NAALADL2: variants seen among roughly 807,000 people sequenced by gnomAD.
NAALADL2 encodes the protein inactive N-acetylated-alpha-linked acidic dipeptidase-like protein 2.
Under a neutral mutation model 87.2 loss-of-function variants are expected in NAALADL2, and 76 were observed. The observed-to-expected ratio is 0.87, with a 90% CI of 0.72 to 1.05. The LOEUF is 1.05. NAALADL2 is among the 50% of genes least tolerant of loss of function. The probability of loss-of-function intolerance (pLI) is 0.00; values close to 1 mark genes in which losing one functional copy is unlikely to be tolerated. For missense variants in NAALADL2, 1,089 were observed against 945.8 expected, an observed-to-expected ratio of 1.15 and a Z score of -1.99; for synonymous variants, 354 against 331.0, an observed-to-expected ratio of 1.07 and a Z score of -0.75.
chr3:175,400,932 G>A (rs2193850), intron 5 of NAALADL2, among the ~76,000 whole-genome samples: 127,372 of 152,174 alleles, frequency 0.84, 53,545 homozygotes, highest in African/African-American at 0.92. Context: ...CTCATCTGCT[G>A]AAGGTATGTA....
chr3:174,588,399 G>T (rs1302540776), intron 2 of NAALADL2, among the ~76,000 whole-genome samples: 1 of 152,168 alleles, frequency 6.6e-6, no homozygotes, highest in African/African-American at 2.4e-5. Flanking sequence ...TTTCCATCCA[G>T]CTTTGTTCCG....
At chr3:175,116,237 A>G (rs879007124) in intron 2 of NAALADL2, among the ~76,000 whole-genome samples, 3 of 152,176 alleles carry the variant, frequency 2.0e-5, no homozygotes, top group Non-Finnish European at 2.9e-5. Context: ...GGCCAGGGCA[A>G]TGAGGCAAGA....
chr3:174,508,850 A>G (rs1054464924), intron 1 of NAALADL2, among the ~76,000 whole-genome samples: 1 of 152,192 alleles, frequency 6.6e-6, no homozygotes, highest in Non-Finnish European at 1.5e-5. Context: ...CGAGTTTAAC[A>G]CCAGCATGGG....
intron 13 of NAALADL2, among the ~76,000 whole-genome samples, chr3:175,788,982 A>AATT (rs1560016987): frequency 6.6e-6 from 1 of 152,198 alleles, no homozygotes; most frequent in African/African-American, 2.4e-5. Context: ...TTCAAAATTT[A>AATT]ATTTATATTT....
intron 3 of NAALADL2, among the ~76,000 whole-genome samples, chr3:174,775,261 T>TAAA (rs3040081): frequency 0.53 from 79,141 of 150,650 alleles, 21,060 homozygotes; most frequent in Middle Eastern, 0.64. Flanking sequence ...TCACCTCCCC[T>TAAA]AAAAAAAATC....
In NAALADL2 at chr3:175,245,827, G is replaced by T. The variant is rs575796791; in HGVS notation, c.820-10584G>T. On this transcript the variant is annotated intron_variant, in intron 3 of 13. Coordinates refer to ENST00000454872, the MANE Select transcript of NAALADL2 (RefSeq NM_207015.3). ...CTAGTGTCCCTTCTAATGGATTGGA[G>T]GTCCATTTTAACTGACTAGAACTTG... 2.6e-5 allele frequency among the ~76,000 whole-genome samples: 4 copies of T among 152,222 alleles called. No homozygotes were observed. In the East Asian group the frequency reaches 7.7e-4, roughly 29 times the overall value.
intron 1 of NAALADL2, among the ~76,000 whole-genome samples, chr3:174,485,841 C>T (rs1208879464): frequency 6.6e-6 from 1 of 151,808 alleles, no homozygotes; most frequent in Non-Finnish European, 1.5e-5. Flanking sequence ...TTGCCTAGGT[C>T]GTCTTCCAGG....
At chr3:174,813,888 C>A (rs1720495239) in intron 3 of NAALADL2, among the ~76,000 whole-genome samples, 1 of 151,864 alleles carries the variant, frequency 6.6e-6, no homozygotes, top group East Asian at 1.9e-4. Flanking sequence ...AACTTTTATG[C>A]ATGTATAGTA....
chr3:174,578,670 G>A (rs1715815578), intron 2 of NAALADL2, among the ~76,000 whole-genome samples: 1 of 151,836 alleles, frequency 6.6e-6, no homozygotes, highest in South Asian at 2.1e-4. Flanking sequence ...TTTGATGTAC[G>A]GGAAGGAACA....
At position 175,324,271 on chromosome 3, in the gene NAALADL2, A is replaced by G. The variant is rs1760398672; in HGVS notation, c.1036A>G (p.Met346Val). ...TGTGAATCCTAGCCATGATACCTTC[A>G]TGGTGTCACTGAATCCAGGAGGAGA... ...KTVNPSHDTF[M>V]VSLNPGGDPS... is the part of the protein sequence containing the mutation. Residue 346 changes from methionine to valine, a missense_variant, in exon 5 of 14, where the codon ATG (methionine) becomes GTG (valine). Coordinates refer to ENST00000454872, the MANE Select transcript of NAALADL2 (RefSeq NM_207015.3). The G allele has an allele frequency of 6.2e-7, 1 of 1,613,588 alleles. No individual in the cohort carries two copies. Among genetic ancestry groups the G allele is most frequent in the South Asian group, 1.1e-5 (1 of 91,070 alleles).
intron 1 of NAALADL2, among the ~76,000 whole-genome samples, chr3:175,005,247 T>C (rs1237163965): frequency 6.6e-6 from 1 of 152,194 alleles, no homozygotes; most frequent in Non-Finnish European, 1.5e-5. Flanking sequence ...AGATAAAGGT[T>C]AATAACTTAT....
intron 5 of NAALADL2, among the ~76,000 whole-genome samples, chr3:175,401,516 C>T (rs919809236): frequency 3.3e-5 from 5 of 152,076 alleles, no homozygotes; most frequent in African/African-American, 1.2e-4. Context: ...GTGTACCTAT[C>T]AGAGAGTGTA....
At chr3:175,313,192 C>T (rs180696069) in intron 4 of NAALADL2, among the ~76,000 whole-genome samples, 1 of 152,126 alleles carries the variant, frequency 6.6e-6, no homozygotes, top group Non-Finnish European at 1.5e-5. Context: ...CCCATTCGAC[C>T]TCATTTAACC....
intron 1 of NAALADL2, among the ~76,000 whole-genome samples, chr3:174,994,924 A>T (rs917293071): frequency 6.6e-6 from 1 of 152,144 alleles, no homozygotes; most frequent in Non-Finnish European, 1.5e-5. Context: ...TCCCTTGTCA[A>T]TGGTAAGCAC....
chr3:175,795,401 C>T (rs942273021), intron 13 of NAALADL2, among the ~76,000 whole-genome samples: 3 of 151,934 alleles, frequency 2.0e-5, no homozygotes, highest in Admixed American at 6.6e-5. Flanking sequence ...TCAATGGGCG[C>T]GATGGCTCAT....
In NAALADL2 at chr3:174,859,462, C is replaced by A. The variant is rs1248849928; in HGVS notation, c.43+12C>A. The A allele has an allele frequency of 6.2e-7, 1 of 1,604,762 alleles. No homozygotes were observed. The highest frequency in any genetic ancestry group is 8.5e-7 in the Non-Finnish European group (1 of 1,173,052). Reference sequence around the variant, plus strand: ...CACGTCTTTGCAAGGTAAGTACCAACAGCCTATGAACTTTTCACTTTTCAC... The same window carrying A: ...CACGTCTTTGCAAGGTAAGTACCAAAAGCCTATGAACTTTTCACTTTTCAC... On this transcript the variant is annotated intron_variant, in intron 1 of 13. Transcript: ENST00000454872.
intron 8 of NAALADL2, among the ~76,000 whole-genome samples, chr3:175,470,996 AATT>A (rs1295213506): frequency 1.3e-5 from 2 of 152,112 alleles, no homozygotes; most frequent in Non-Finnish European, 2.9e-5. Context: ...GTAACTCTAA[AATT>A]AAGTTGCATT....
chr3:174,522,496 A>T (rs1029584370), intron 1 of NAALADL2, among the ~76,000 whole-genome samples: 6 of 152,238 alleles, frequency 3.9e-5, no homozygotes, highest in Admixed American at 1.3e-4. Flanking sequence ...ATCTCTCCAA[A>T]AAAAAGAAAA....
intron 5 of NAALADL2, among the ~76,000 whole-genome samples, chr3:175,355,993 A>T (rs1211987173): frequency 6.6e-6 from 1 of 152,172 alleles, no homozygotes; most frequent in African/African-American, 2.4e-5. Flanking sequence ...TTTTGAGGGT[A>T]CTGAGAACAA....
Sources: allele counts gnomAD v4.1 joint callset (sites outside exome capture counted in the v4.1 genomes callset), GRCh38; gene constraint gnomAD v4.1.1; transcripts MANE v1.5; gene names NCBI Gene and HGNC (gene_info 2026-07-23, HGNC 2026-07-21).